MCM4: variants seen among roughly 807,000 people sequenced by gnomAD.
MCM4 encodes minichromosome maintenance complex component 4.
Under a neutral mutation model 88.7 loss-of-function variants are expected in MCM4, and 60 were observed. That is an observed-to-expected ratio of 0.68 (90% CI 0.55 to 0.84). The LOEUF (loss-of-function observed/expected upper bound fraction) is 0.84. MCM4 is among the 40% of genes least tolerant of loss of function. The pLI, the probability that MCM4 is intolerant of heterozygous loss-of-function variation, is 0.00. For synonymous variants in MCM4, 465 were observed against 410.5 expected (o/e 1.13, Z -1.61); for missense variants, 1,149 against 1,105.5 (o/e 1.04, Z -0.56).
rs765600167 is a variant in MCM4, at chr8:47,966,205, C to A, written c.851C>A (p.Thr284Asn). Residue 284 changes from threonine to asparagine, a missense_variant, in exon 9 of 17, where the codon ACC becomes AAC. By Grantham distance (65) the Thr-to-Asn change is moderately conservative. Transcript: ENST00000649973. The stretch of plus-strand genomic sequence containing the variant: ...CTCACAGACATTGACCAGCTCATCA[C>A]CATCAGCGGCATGGTGATCAGGACA... ...LNPEDIDQLITISGMVIRTSQ... is the reference protein window; with the variant it reads ...LNPEDIDQLINISGMVIRTSQ... The A allele has an allele frequency of 6.2e-7, 1 of 1,614,048 alleles. No homozygotes were observed. Among genetic ancestry groups the A allele is most frequent in the South Asian group, 1.1e-5 (1 of 91,080 alleles).
At chr8:47,974,658 G>T in intron 14 of MCM4, 76 bp from the exon 15 acceptor site, 5 of 1,159,872 alleles carry the variant, frequency 4.3e-6, no homozygotes, top group South Asian at 1.3e-5. Flanking sequence ...AAGCCTAAGT[G>T]TTCAAAATTC....
chr8:47,976,635 A>G (rs777506188), intron 16 of MCM4, 51 bp from the exon 17 acceptor site: 6 of 1,301,770 alleles, frequency 4.6e-6, no homozygotes, highest in Non-Finnish European at 6.7e-6. Flanking sequence ...TCTAACAGGT[A>G]AAGGAGGGAC....
chr8:47,963,912 G>GT (rs2090872337), intron 7 of MCM4, among the ~76,000 whole-genome samples: 1 of 152,176 alleles, frequency 6.6e-6, no homozygotes, highest in African/African-American at 2.4e-5. Context: ...TAAGAAATTT[G>GT]AATAAATATG....
chr8:47,969,624 G>A, intron 10 of MCM4, 174 bp from the exon 11 acceptor site: 1 of 616,954 alleles, frequency 1.6e-6, no homozygotes, highest in African/African-American at 1.8e-5. Flanking sequence ...TTGCAATGTG[G>A]GCCTGAGTCC....
chr8:47,977,062 A>C lies in MCM4; in HGVS notation c.*284A>C. On this transcript the variant is annotated 3_prime_UTR_variant, in exon 17 of 17. Coordinates refer to ENST00000649973, the MANE Select transcript of MCM4 (RefSeq NM_182746.3). ...GGGTGGATCATGAGGTCAGGAGTTC[A>C]AGACCAGCCTAGCCAAGATGGTGAA... 4.6e-6 allele frequency: 1 copy of C among 217,848 alleles called. No individual in the cohort carries two copies. The highest frequency in any genetic ancestry group is 9.4e-6 in the Non-Finnish European group (1 of 105,876). 13.5% of individuals were successfully genotyped at this position (217,848 alleles called of 1,614,324 possible). A position where few individuals can be genotyped will look rare whatever the true frequency, so the allele number is the denominator to read the frequency against.
chr8:47,967,075 T>C (rs568155716), intron 9 of MCM4, among the ~76,000 whole-genome samples: 8 of 152,322 alleles, frequency 5.3e-5, no homozygotes, highest in South Asian at 2.1e-4. Flanking sequence ...TCCTTAGGCC[T>C]CTCAGAGGGT....
chr8:47,961,079 G>C, intron 1 of MCM4, 52 bp from the exon 2 acceptor site: 1 of 1,481,710 alleles, frequency 6.7e-7, no homozygotes, highest in East Asian at 2.9e-5. Flanking sequence ...CTGCGGAGCA[G>C]GGCAGGGAAG....
rs779386984 is a variant in MCM4, at chr8:47,961,687, G to A, written c.235+7G>A. On this transcript the variant is annotated splice_region_variant and intron_variant, in intron 3 of 16. Coordinates refer to ENST00000649973, the MANE Select transcript of MCM4 (RefSeq NM_182746.3). Reference sequence around the variant, plus strand: ...CCCCAAATGCATTCTTCAGGTGCGTGTCTGAAGATCTTGGTTTTGCTGTGC... The same window carrying A: ...CCCCAAATGCATTCTTCAGGTGCGTATCTGAAGATCTTGGTTTTGCTGTGC... 7 of 1,598,672 alleles carry A rather than the reference G, an allele frequency of 4.4e-6. No individual in the cohort carries two copies. The East Asian group carries it at 1.3e-4, about 31-fold the overall frequency.
chr8:47,962,021 G>A (rs778040530), intron 3 of MCM4, 32 bp from the exon 4 acceptor site: 2 of 1,606,356 alleles, frequency 1.2e-6, no homozygotes, highest in East Asian at 2.2e-5. Flanking sequence ...GGTTTGATAT[G>A]CCACCAGAAT....
At chr8:47,970,298 T>TG (rs1006230620) in intron 11 of MCM4, among the ~76,000 whole-genome samples, 5 of 152,230 alleles carry the variant, frequency 3.3e-5, no homozygotes. Flanking sequence ...AATAGGGACT[T>TG]GCATGGCCAC....
At chr8:47,967,578 GTT>G in intron 10 of MCM4, 93 bp downstream of exon 10, 1 of 1,491,158 alleles carries the variant, frequency 6.7e-7, no homozygotes, top group Non-Finnish European at 9.3e-7. Flanking sequence ...CACAGGTCCA[GTT>G]CTACCTCCAG....
At position 47,964,786 on chromosome 8, in the gene MCM4, G is replaced by T. The variant is rs544466530; in HGVS notation, c.832+74G>T. 6 of 1,269,014 alleles carry T rather than the reference G, an allele frequency of 4.7e-6. No homozygotes were observed. The South Asian group carries it at 9.3e-5, about 20-fold the overall frequency. 78.6% of individuals were successfully genotyped at this position (1,269,014 alleles called of 1,614,324 possible). ...ATGAAAATAGCCTTGTTTTCATTGA[G>T]AAATTATGAAAGAAGTAATTGGCGG... On this transcript the variant is annotated intron_variant, in intron 8 of 16. Transcript: ENST00000649973.
chr8:47,974,520 G>A (rs1051968843), intron 14 of MCM4: 3 of 527,698 alleles, frequency 5.7e-6, no homozygotes, highest in Middle Eastern at 5.2e-4. Context: ...GTTGGAATAT[G>A]TTCACCCACC....
rs2091006132 is a variant in MCM4, at chr8:47,976,852, T to C, written c.*74T>C. On this transcript the variant is annotated 3_prime_UTR_variant, in exon 17 of 17. Coordinates refer to ENST00000649973, the MANE Select transcript of MCM4 (RefSeq NM_182746.3). ...CACATGGGTGTGGTCTGCATCTCAG[T>C]TGGCCGCCATCAGTGTAAATAGAGC... 2 of 948,004 alleles carry C rather than the reference T, an allele frequency of 2.1e-6. No individual in the cohort carries two copies. Among genetic ancestry groups the C allele is most frequent in the South Asian group, 1.3e-5 (1 of 76,022 alleles). The allele number at this position is 948,004 out of a possible 1,614,324, so 58.7% of individuals were successfully genotyped here.
intron 9 of MCM4, among the ~76,000 whole-genome samples, chr8:47,967,123 GAA>G (rs1236791198): frequency 6.6e-6 from 1 of 152,218 alleles, no homozygotes; most frequent in Non-Finnish European, 1.5e-5. Context: ...CCTGCTTTAT[GAA>G]AAGCATCTCA....
At chr8:47,966,735 A>C (rs926065582) in intron 9 of MCM4, among the ~76,000 whole-genome samples, 2 of 152,140 alleles carry the variant, frequency 1.3e-5, no homozygotes, top group Non-Finnish European at 2.9e-5. Flanking sequence ...AGGATTGAGG[A>C]ATTTTTCTGA....
At chr8:47,969,500 C>T (rs775803544) in intron 10 of MCM4, 12 of 346,468 alleles carry the variant, frequency 3.5e-5, no homozygotes, top group South Asian at 2.2e-4. Context: ...TCAGGTGATC[C>T]GCCTGCCTCA....
chr8:47,962,904 T>C (rs752530448), intron 6 of MCM4, 41 bp from the exon 7 acceptor site: 2 of 1,573,408 alleles, frequency 1.3e-6, no homozygotes, highest in South Asian at 2.3e-5. Context: ...TTTAAAATAG[T>C]TAAATTAGCA....
Position 47,975,771 on chromosome 8 carries a change from C to A in MCM4, c.2422C>A (p.Leu808Ile). 6.3e-7 allele frequency: 1 copy of A among 1,585,632 alleles called. No individual in the cohort carries two copies. The change falls in exon 16 of 17, where the codon CTT becomes ATT. Residue 808 changes from leucine (L) to isoleucine (I), a missense_variant. Transcript: ENST00000649973. ...AGAATTAGCTGAAGCATTGAAAAAG[C>A]TTATTTTATCTAAGGGCAAAACACC... ...KEELAEALKKLILSKGKTPAL... is the reference protein window; with the variant it reads ...KEELAEALKKIILSKGKTPAL...
Sources: allele counts gnomAD v4.1 joint callset (sites outside exome capture counted in the v4.1 genomes callset), GRCh38; gene constraint gnomAD v4.1.1; transcripts MANE v1.5; gene names NCBI Gene and HGNC (gene_info 2026-07-23, HGNC 2026-07-21).